TMEM117: variants seen among roughly 807,000 people sequenced by gnomAD.
TMEM117 encodes the protein transmembrane protein 117.
Under a neutral mutation model 52.4 loss-of-function variants are expected in TMEM117, and 27 were observed. The observed-to-expected ratio is 0.51, with a 90% confidence interval of 0.38 to 0.71. The LOEUF is 0.71. Among genes scored for constraint, TMEM117 ranks in the 30% least tolerant of loss-of-function variants. The pLI is 0.00. For synonymous variants in TMEM117, 215 were observed against 206.3 expected, an observed-to-expected ratio of 1.04 and a Z score of -0.36; for missense variants, 556 against 630.5, an observed-to-expected ratio of 0.88 and a Z score of 1.26.
intron 5 of TMEM117, among the ~76,000 whole-genome samples, chr12:44,226,672 T>C (rs1949865634): frequency 6.6e-6 from 1 of 152,018 alleles, no homozygotes; most frequent in Non-Finnish European, 1.5e-5. Context: ...GAGTGGGCCC[T>C]AGTCTGATAT....
chr12:43,886,488 G>A (rs1943996777), intron 2 of TMEM117, among the ~76,000 whole-genome samples: 1 of 152,152 alleles, frequency 6.6e-6, no homozygotes, highest in Non-Finnish European at 1.5e-5. Flanking sequence ...TGGTTCAGGA[G>A]TAAATAGTAC....
intron 3 of TMEM117, among the ~76,000 whole-genome samples, chr12:44,027,742 G>A (rs1000047490): frequency 4.6e-5 from 7 of 152,154 alleles, no homozygotes; most frequent in East Asian, 1.9e-4. Context: ...TAGAACTATC[G>A]TTTGATTGTT....
intron 5 of TMEM117, among the ~76,000 whole-genome samples, chr12:44,236,724 T>C (rs1024254409): frequency 1.3e-5 from 2 of 152,276 alleles, no homozygotes; most frequent in African/African-American, 4.8e-5. Context: ...ATTTCAGGCA[T>C]AAGAGGATAG....
At chr12:44,280,036 T>A (rs971989968) in intron 5 of TMEM117, among the ~76,000 whole-genome samples, 1 of 152,176 alleles carries the variant, frequency 6.6e-6, no homozygotes, top group African/African-American at 2.4e-5. Context: ...GAATACACCA[T>A]AAAAAGCAGT....
chr12:43,945,700 C>T (rs1945120797), intron 3 of TMEM117, among the ~76,000 whole-genome samples: 2 of 152,174 alleles, frequency 1.3e-5, no homozygotes, highest in Non-Finnish European at 2.9e-5. Flanking sequence ...AATAATAAAC[C>T]ACTTTAGGTA....
chr12:44,018,245 A>T (rs2137826397), intron 3 of TMEM117, among the ~76,000 whole-genome samples: 1 of 152,296 alleles, frequency 6.6e-6, no homozygotes, highest in South Asian at 2.1e-4. Context: ...GCAAAAGTGA[A>T]TTTTTGCTGA....
chr12:44,124,766 G>T (rs1565838448), intron 3 of TMEM117, among the ~76,000 whole-genome samples: 1 of 152,172 alleles, frequency 6.6e-6, no homozygotes, highest in Non-Finnish European at 1.5e-5. Context: ...CTTGATCATG[G>T]TGGATAAGTT....
intron 3 of TMEM117, among the ~76,000 whole-genome samples, chr12:44,033,936 T>G (rs1946672738): frequency 6.6e-6 from 1 of 152,242 alleles, no homozygotes. Context: ...AGTTTGATGT[T>G]TTCTTCAGTT....
intron 6 of TMEM117, among the ~76,000 whole-genome samples, chr12:44,353,045 A>C (rs1951588462): frequency 6.6e-6 from 1 of 152,132 alleles, no homozygotes; most frequent in Non-Finnish European, 1.5e-5. Flanking sequence ...TCTGATGGCC[A>C]GTGATGATGA....
intron 4 of TMEM117, among the ~76,000 whole-genome samples, chr12:44,151,662 A>G (rs1277686704): frequency 2.0e-5 from 3 of 150,836 alleles, no homozygotes; most frequent in Non-Finnish European, 4.4e-5. Flanking sequence ...TCAATGATAT[A>G]ATGAAATGAG....
intron 2 of TMEM117, among the ~76,000 whole-genome samples, chr12:43,850,636 T>C (rs2137371837): frequency 6.6e-6 from 1 of 152,314 alleles, no homozygotes; most frequent in East Asian, 1.9e-4. Flanking sequence ...CCGTAAGACT[T>C]CAGTTGTCTT....
intron 3 of TMEM117, among the ~76,000 whole-genome samples, chr12:43,992,299 G>T (rs112233972): frequency 9.3e-4 from 142 of 151,938 alleles, no homozygotes; most frequent in Non-Finnish European, 1.7e-3. Context: ...TAGAGATGAG[G>T]TCTCACTGTA....
At position 43,972,367 on chromosome 12, in the gene TMEM117, G is replaced by A. The variant is rs147755510; in HGVS notation, c.410+28025G>A. Among the ~76,000 whole-genome samples the A allele has an allele frequency of 8.7e-4, 133 of 152,328 alleles. 1 individual carries two copies. The East Asian group carries it at 0.022, about 26-fold the overall frequency. ...TCTCACTGACTTCAAGAATGAAGCC[G>A]TGGACCTTTGCGGTGAGTGTTACAG... On this transcript the variant is annotated intron_variant, in intron 3 of 7. Transcript: ENST00000266534.
At chr12:44,129,318 A>G (rs555662235) in intron 3 of TMEM117, among the ~76,000 whole-genome samples, 2 of 152,088 alleles carry the variant, frequency 1.3e-5, no homozygotes, top group East Asian at 1.9e-4. Flanking sequence ...ACGTCTCATC[A>G]TTCTTCTGTA....
rs1165249911 is a variant in TMEM117 at position 44,090,396 on chromosome 12, CTTTTTATTTATTTATT to C, written c.411-53127_411-53112del. On this transcript the variant is annotated intron_variant, in intron 3 of 7. Transcript: ENST00000266534. ...CAGGGCCCCTTTTATTTTTATCTTA[CTTTTTATTTATTTATT>C]TATTTATTTATTTATTTATTTATTT... Among the ~76,000 whole-genome samples the C allele has an allele frequency of 4.7e-3, 673 of 143,918 alleles. 7 individuals are homozygous for C. Among genetic ancestry groups the C allele is most frequent in the Middle Eastern group, 0.025 (7 of 280 alleles). The allele number at this position is 143,918 out of a possible 152,430, so 94.4% of individuals were successfully genotyped here.
chr12:44,072,363 C>G (rs964823561), intron 3 of TMEM117, among the ~76,000 whole-genome samples: 3 of 152,222 alleles, frequency 2.0e-5, no homozygotes, highest in Non-Finnish European at 4.4e-5. Context: ...CTTGTCACTA[C>G]AGGCTTCACA....
intron 2 of TMEM117, among the ~76,000 whole-genome samples, chr12:43,926,818 C>T (rs1944786182): frequency 6.6e-6 from 1 of 151,970 alleles, no homozygotes; most frequent in Non-Finnish European, 1.5e-5. Context: ...ATTACCTTAT[C>T]TCTTTTTTCT....
intron 6 of TMEM117, among the ~76,000 whole-genome samples, chr12:44,350,247 A>T (rs1173357425): frequency 6.6e-6 from 1 of 151,976 alleles, no homozygotes; most frequent in Non-Finnish European, 1.5e-5. Context: ...CAGAGGAGAA[A>T]GACAAAAATC....
intron 4 of TMEM117, among the ~76,000 whole-genome samples, chr12:44,184,972 T>C (rs1949257028): frequency 6.6e-6 from 1 of 152,186 alleles, no homozygotes; most frequent in African/African-American, 2.4e-5. Flanking sequence ...GTGCTTTTCT[T>C]ATTCCTTAAG....
Sources: gnomAD v4.1 joint callset for allele counts (sites outside exome capture counted in the v4.1 genomes callset) on GRCh38, gnomAD v4.1.1 for gene constraint, MANE v1.5 for transcripts, NCBI Gene and HGNC (gene_info 2026-07-23, HGNC 2026-07-21) for gene names.